ACAN: variants seen among roughly 807,000 people sequenced by gnomAD.
The protein encoded by ACAN is aggrecan core protein.
Under a neutral mutation model 169.1 loss-of-function variants are expected in ACAN, and 47 were observed. The observed-to-expected ratio is 0.28, with a 90% CI of 0.22 to 0.35. The LOEUF (loss-of-function observed/expected upper bound fraction) is 0.35, where lower values mean the gene tolerates loss of function less well. ACAN is among the 10% of genes least tolerant of loss of function. ACAN has a pLI of 1.00. For synonymous variants in ACAN, 1,115 were observed against 1,112.2 expected (o/e 1.00, Z -0.05); for missense variants, 2,716 against 2,759.9 (o/e 0.98, Z 0.36).
chr15:88,824,978 T>A lies in ACAN; in HGVS notation c.-7-11222T>A, dbSNP rs183023708. ...AGCAGGGTGGTCAAGGAAGGGACAT[T>A]TAAACAGGCTAGAATGACAATGGCC... On this transcript the variant is annotated intron_variant, in intron 1 of 18. Transcript: ENST00000560601. Among the ~76,000 whole-genome samples, 852 of 151,842 alleles carry A rather than the reference T, an allele frequency of 5.6e-3. 6 individuals carry two copies. The highest frequency in any genetic ancestry group is 7.6e-3 in the Non-Finnish European group (514 of 67,954).
At position 88,838,252 on chromosome 15, in the gene ACAN, AC is replaced by A. The variant is rs1224425816; in HGVS notation, c.71-407del. Among the ~76,000 whole-genome samples, 1 of 151,124 alleles carries A rather than the reference AC, an allele frequency of 6.6e-6. No individual in the cohort carries two copies. The highest frequency in any genetic ancestry group is 1.5e-5 in the Non-Finnish European group (1 of 67,714). On this transcript the variant is annotated intron_variant, in intron 2 of 18. Transcript: ENST00000560601. This position sits in a 1 kb window ranked among gnomAD's most constrained non-coding sequence, Gnocchi z 5.1. ...TTAAAATTGTGTAGATTACTTTTCT[AC>A]CCCAACATAATTTTTCCCAAAATCT...
At position 88,859,359 on chromosome 15, in the gene ACAN, A is replaced by C; in HGVS notation, c.6774A>C (p.Thr2258=). Residue 2258 remains threonine, a synonymous_variant, in exon 12 of 19, where the codon ACA becomes ACC. Coordinates refer to ENST00000560601, the MANE Select transcript of ACAN (RefSeq NM_001369268.1). ...CAGTCGAAACAGCCACCTCCCCAAC[A>C]GATGCTTCCATCCCAGCTTCTCCGG... The part of the protein sequence containing the change: ...THTVETATSP[T]DASIPASPEW... 1.3e-6 allele frequency: 2 copies of C among 1,592,470 alleles called. No individual in the cohort carries two copies. Among genetic ancestry groups the C allele is most frequent in the Admixed American group, 3.6e-5 (2 of 56,090 alleles).
At chr15:88,863,440 G>A (rs1453651448) in intron 13 of ACAN, among the ~76,000 whole-genome samples, 1 of 152,078 alleles carries the variant, frequency 6.6e-6, no homozygotes, top group Non-Finnish European at 1.5e-5. Flanking sequence ...GGTCTAAAGA[G>A]GAACTTCAGC....
Position 88,857,325 on chromosome 15 carries a change from T to C in ACAN, c.4740T>C (p.Ala1580=). 6.2e-7 allele frequency: 1 copy of C among 1,613,934 alleles called. No individual in the cohort carries two copies. Among genetic ancestry groups the C allele is most frequent in the Non-Finnish European group, 8.5e-7 (1 of 1,179,878 alleles). ...GAAGGGAGGGTCTAGAGACTTCAGC[T>C]TCTGGAGCTGAGGACCTCAGTGGGT... The part of the protein sequence containing the change: ...PSGREGLETS[A]SGAEDLSGLP... The change falls in exon 12 of 19, where the codon GCT becomes GCC. Residue 1580 remains alanine (A), a synonymous_variant. Coordinates refer to ENST00000560601, the MANE Select transcript of ACAN (RefSeq NM_001369268.1).
chr15:88,845,033 A>G (rs16942333), intron 6 of ACAN, among the ~76,000 whole-genome samples: 4,744 of 152,262 alleles, frequency 0.031, 239 homozygotes, highest in African/African-American at 0.11. Flanking sequence ...TCATTTTTCC[A>G]TGACTATGAG....
At chr15:88,853,531 G>A (rs1240833572) in intron 11 of ACAN, among the ~76,000 whole-genome samples, 23 of 152,032 alleles carry the variant, frequency 1.5e-4, no homozygotes, top group East Asian at 1.9e-4. Flanking sequence ...CCAGCTACTC[G>A]GGAGGCTGAG....
At chr15:88,817,725 A>G (rs1895975521) in intron 1 of ACAN, among the ~76,000 whole-genome samples, 1 of 151,794 alleles carries the variant, frequency 6.6e-6, no homozygotes, top group African/African-American at 2.4e-5. Context: ...ATAGTGGTGC[A>G]TGCCTATAGT....
At chr15:88,848,801 C>T (rs78326510) in intron 9 of ACAN, among the ~76,000 whole-genome samples, 2 of 152,220 alleles carry the variant, frequency 1.3e-5, no homozygotes, top group African/African-American at 4.8e-5. Flanking sequence ...GGCCTCAGCT[C>T]CTTCATCTAT....
At chr15:88,828,216 G>A (rs939828203) in intron 1 of ACAN, among the ~76,000 whole-genome samples, 1 of 152,062 alleles carries the variant, frequency 6.6e-6, no homozygotes, top group African/African-American at 2.4e-5. Flanking sequence ...GGTGTTTTTT[G>A]AAGGAATGGA....
chr15:88,849,883 C>T lies in ACAN; in HGVS notation c.2026+152C>T, dbSNP rs537333765. ...AGAGCCAGCTCTGAAACCAGCACAA[C>T]GCAGGCTTTGACCCCAAGGCAAGGT... On this transcript the variant is annotated intron_variant, in intron 10 of 18. Transcript: ENST00000560601. This position sits in a 1 kb window ranked among gnomAD's most constrained non-coding sequence, Gnocchi z 5.1. 1,810 of 1,146,578 alleles carry T rather than the reference C, an allele frequency of 1.6e-3. 17 individuals are homozygous for T. The Middle Eastern group carries it at 0.025, about 16-fold the overall frequency. 71.0% of individuals were successfully genotyped at this position (1,146,578 alleles called of 1,614,324 possible). A position where few individuals can be genotyped will look rare whatever the true frequency, so the allele number is the denominator to read the frequency against.
chr15:88,825,264 C>G lies in ACAN; in HGVS notation c.-7-10936C>G, dbSNP rs531388225. The stretch of plus-strand genomic sequence containing the variant: ...CCAAGCTCCCTTTTGCTCCCACCCC[C>G]TCCAGCAGGATCAGACTACCCAGGG... On this transcript the variant is annotated intron_variant, in intron 1 of 18. Transcript: ENST00000560601. Among the ~76,000 whole-genome samples the G allele has an allele frequency of 5.3e-5, 8 of 152,298 alleles. No individual in the cohort carries two copies. In the South Asian group the frequency reaches 1.7e-3, roughly 32 times the overall value.
Position 88,847,931 on chromosome 15 carries a change from G to A in ACAN, c.1625G>A (p.Arg542Gln), listed in dbSNP as rs151237327. 1.6e-5 allele frequency: 26 copies of A among 1,613,770 alleles called. No homozygotes were observed. Among genetic ancestry groups the A allele is most frequent in the Admixed American group, 6.7e-5 (4 of 60,016 alleles). ...TGCAGATACCCCATTGTGAGCCCCC[G>A]GACCCCATGCGTGGGTGACAAGGAC... ...QTVRYPIVSP[R>Q]TPCVGDKDSS... The change falls in exon 9 of 19, where the codon CGG (arginine) becomes CAG (glutamine). Residue 542 changes from arginine (R) to glutamine (Q), a missense_variant. By Grantham distance (43) the Arg-to-Gln change is conservative. Coordinates refer to ENST00000560601, the MANE Select transcript of ACAN (RefSeq NM_001369268.1).
intron 2 of ACAN, 103 bp downstream of exon 2, chr15:88,836,379 T>A: frequency 9.4e-7 from 1 of 1,069,444 alleles, no homozygotes; most frequent in Non-Finnish European, 1.4e-6. Context: ...GGATATAATT[T>A]CCCCTTTCCT....
Position 88,849,670 on chromosome 15 carries a change from C to A in ACAN, c.1965C>A (p.Leu655=). The A allele has an allele frequency of 6.2e-7, 1 of 1,613,776 alleles. No homozygotes were observed. The highest frequency in any genetic ancestry group is 8.5e-7 in the Non-Finnish European group (1 of 1,179,848). The stretch of plus-strand genomic sequence containing the variant: ...AGCCAGGCGTGAGAACGGTCTACCT[C>A]TACCCTAACCAGACGGGCCTCCCAG... ...GDKPGVRTVY[L]YPNQTGLPDP... Residue 655 remains leucine, a synonymous_variant, in exon 10 of 19, where the codon CTC becomes CTA. Coordinates refer to ENST00000560601, the MANE Select transcript of ACAN (RefSeq NM_001369268.1). The surrounding 1 kb of genome is among the most constrained non-coding windows in gnomAD (Gnocchi z 5.1).
chr15:88,821,815 G>T (rs964029157), intron 1 of ACAN, among the ~76,000 whole-genome samples: 1 of 152,112 alleles, frequency 6.6e-6, no homozygotes, highest in Non-Finnish European at 1.5e-5. Context: ...CCACCCTCTG[G>T]TTCAGTAATT....
At position 88,871,236 on chromosome 15, in the gene ACAN, A is replaced by T; in HGVS notation, c.7061-146A>T. On this transcript the variant is annotated intron_variant, in intron 14 of 18. Transcript: ENST00000560601. This position sits in a 1 kb window ranked among gnomAD's most constrained non-coding sequence, Gnocchi z 7.8. Reference sequence around the variant, plus strand: ...GGGACCAGACCAGTTTCCAACCTGAACTCCTCCAGCTGTGCCTCTCCCTTC... The same window carrying T: ...GGGACCAGACCAGTTTCCAACCTGATCTCCTCCAGCTGTGCCTCTCCCTTC... 8.6e-7 allele frequency: 1 copy of T among 1,167,224 alleles called. No individual in the cohort carries two copies. 72.3% of individuals were successfully genotyped at this position (1,167,224 alleles called of 1,614,324 possible). A position where few individuals can be genotyped will look rare whatever the true frequency, so the allele number is the denominator to read the frequency against.
At chr15:88,834,620 G>T (rs1023877037) in intron 1 of ACAN, among the ~76,000 whole-genome samples, 8 of 152,226 alleles carry the variant, frequency 5.3e-5, no homozygotes, top group Non-Finnish European at 8.8e-5. Flanking sequence ...CCGCTCCAAG[G>T]TTCCCTCCCT....
At chr15:88,810,519 C>A (rs1056991571) in intron 1 of ACAN, among the ~76,000 whole-genome samples, 1 of 152,038 alleles carries the variant, frequency 6.6e-6, no homozygotes, top group Non-Finnish European at 1.5e-5. Flanking sequence ...TCCCCTCACT[C>A]CATCCCTCCC....
Position 88,874,327 on chromosome 15 carries a change from G to A in ACAN, c.7631-78G>A. The A allele has an allele frequency of 1.5e-6, 2 of 1,349,580 alleles. No individual in the cohort carries two copies. The highest frequency in any genetic ancestry group is 2.5e-5 in the South Asian group (2 of 79,714). 83.6% of individuals were successfully genotyped at this position (1,349,580 alleles called of 1,614,324 possible). A position where few individuals can be genotyped will look rare whatever the true frequency, so the allele number is the denominator to read the frequency against. ...TCCTGGTTTCCACAAGGGAGAGAGG[G>A]TAGTCTGGGGAGAGCCTGGGCTCGC... On this transcript the variant is annotated intron_variant, in intron 18 of 18. Coordinates refer to ENST00000560601, the MANE Select transcript of ACAN (RefSeq NM_001369268.1). This position sits in a 1 kb window ranked among gnomAD's most constrained non-coding sequence, Gnocchi z 7.3.
Sources: allele counts gnomAD v4.1 joint callset (sites outside exome capture counted in the v4.1 genomes callset), GRCh38; gene constraint gnomAD v4.1.1; non-coding constraint Gnocchi (gnomAD v3.1); transcripts MANE v1.5; gene names NCBI Gene and HGNC (gene_info 2026-07-23, HGNC 2026-07-21).